CCL28: variants seen among roughly 807,000 people sequenced by gnomAD.
CCL28 encodes C-C motif chemokine ligand 28.
In CCL28, 4 loss-of-function variants were observed where a neutral mutation model predicts 7.1. That is an observed-to-expected ratio of 0.56 (90% CI 0.28 to 1.29). The LOEUF (loss-of-function observed/expected upper bound fraction) is 1.29, where lower values mean the gene tolerates loss of function less well. CCL28 is among the 50% of genes most tolerant of loss of function. The probability of loss-of-function intolerance (pLI) is 0.11; values close to 1 mark genes in which losing one functional copy is unlikely to be tolerated. For synonymous variants in CCL28, 55 were observed against 57.8 expected (o/e 0.95, Z 0.22); for missense variants, 151 against 163.4 (o/e 0.92, Z 0.41).
downstream of CCL28, among the ~76,000 whole-genome samples, chr5:43,373,862 ACACTGATG>A: frequency 6.6e-6 from 1 of 152,356 alleles, no homozygotes; most frequent in South Asian, 2.1e-4. Context: ...GTTTTTTAAC[ACACTGATG>A]CATATAATTA....
At chr5:43,404,519 G>A (rs1231964805) in intron 1 of CCL28, among the ~76,000 whole-genome samples, 1 of 152,056 alleles carries the variant, frequency 6.6e-6, no homozygotes, top group African/African-American at 2.4e-5. Context: ...CACTAAACAT[G>A]GAAAGAAAGA....
chr5:43,395,937 T>A (rs1046470150), intron 1 of CCL28, among the ~76,000 whole-genome samples: 7 of 144,440 alleles, frequency 4.8e-5, no homozygotes, highest in Non-Finnish European at 1.0e-4. Context: ...AGTGGCGAGA[T>A]CTCTGCTCAC....
intron 1 of CCL28, among the ~76,000 whole-genome samples, chr5:43,397,872 G>A (rs1199839609): frequency 6.6e-6 from 1 of 151,322 alleles, no homozygotes; most frequent in African/African-American, 2.4e-5. Context: ...TTTTTTTTGC[G>A]TTTTTAAATC....
intron 1 of CCL28, among the ~76,000 whole-genome samples, chr5:43,393,680 G>T (rs1470466567): frequency 6.7e-6 from 1 of 150,206 alleles, no homozygotes; most frequent in Non-Finnish European, 1.5e-5. Flanking sequence ...TTAAGATGAG[G>T]TTCTTTAAAG....
In CCL28 at chr5:43,412,339, GACAGCA is replaced by G; in HGVS notation, c.-29_-24del. The G allele has an allele frequency of 1.9e-6, 3 of 1,605,572 alleles. No homozygotes were observed. The highest frequency in any genetic ancestry group is 2.6e-6 in the Non-Finnish European group (3 of 1,174,262). On this transcript the variant is annotated 5_prime_UTR_variant, in exon 1 of 3. Coordinates refer to ENST00000361115, the MANE Select transcript of CCL28 (RefSeq NM_148672.3). The stretch of plus-strand genomic sequence containing the variant: ...CATTCCTGCCTGCCCTACTGGCACT[GACAGCA>G]ACACAAGTGAGGCTGTTCGATCAGG...
At chr5:43,390,150 T>C (rs1166786939) in intron 1 of CCL28, among the ~76,000 whole-genome samples, 2 of 152,120 alleles carry the variant, frequency 1.3e-5, no homozygotes, top group Non-Finnish European at 2.9e-5. Flanking sequence ...TGAACAATGG[T>C]TGTTGGAGAG....
At chr5:43,377,352 C>A (rs1739918002), downstream of CCL28, 1 of 151,844 alleles carries the variant, frequency 6.6e-6, no homozygotes, top group Non-Finnish European at 1.5e-5. Flanking sequence ...ACTAGCCAGG[C>A]GTACTGGCGC....
chr5:43,387,710 GCCTCGAAC>G (rs1286846631), intron 2 of CCL28, among the ~76,000 whole-genome samples: 6 of 152,156 alleles, frequency 3.9e-5, no homozygotes, highest in Non-Finnish European at 8.8e-5. Flanking sequence ...GCTCACTGCA[GCCTCGAAC>G]TGGGCTCAAC....
At chr5:43,374,333 C>A (rs1257960517), downstream of CCL28, among the ~76,000 whole-genome samples, 3 of 152,246 alleles carry the variant, frequency 2.0e-5, no homozygotes, top group East Asian at 1.9e-4. Context: ...ATAAGCATGG[C>A]ATTAGGATGG....
At chr5:43,358,007 TTGC>T in the CCL28 span, among the ~76,000 whole-genome samples, 2 of 152,190 alleles carry the variant, frequency 1.3e-5, no homozygotes, top group Admixed American at 6.5e-5. Flanking sequence ...CCACATTAAC[TTGC>T]TGCTTTTAGA....
At chr5:43,358,570 T>C in the CCL28 span, among the ~76,000 whole-genome samples, 1 of 152,178 alleles carries the variant, frequency 6.6e-6, no homozygotes, top group African/African-American at 2.4e-5. Flanking sequence ...TTTGATCTGT[T>C]GGACCTAGTG....
At chr5:43,383,631 T>A (rs566822392) in intron 2 of CCL28, among the ~76,000 whole-genome samples, 12 of 152,058 alleles carry the variant, frequency 7.9e-5, no homozygotes, top group African/African-American at 1.2e-4. Flanking sequence ...TGGTTTGCTA[T>A]CATAGGAGAA....
At chr5:43,369,562 T>A in the CCL28 span, among the ~76,000 whole-genome samples, 1 of 152,086 alleles carries the variant, frequency 6.6e-6, no homozygotes, top group Non-Finnish European at 1.5e-5. Context: ...GTAGCTGGGA[T>A]TACAGGTGTG....
intron 1 of CCL28, among the ~76,000 whole-genome samples, chr5:43,394,053 T>A (rs1740698032): frequency 6.6e-6 from 1 of 152,220 alleles, no homozygotes; most frequent in Non-Finnish European, 1.5e-5. Context: ...TACAGAGGAA[T>A]CTTTCATTGG....
At chr5:43,382,675 G>T (rs16873297) in intron 2 of CCL28, among the ~76,000 whole-genome samples, 3,597 of 152,198 alleles carry the variant, frequency 0.024, 136 homozygotes, top group African/African-American at 0.083. Flanking sequence ...ATTCAAAACT[G>T]AAACTAATTT....
the CCL28 span, among the ~76,000 whole-genome samples, chr5:43,361,973 A>T: frequency 6.6e-6 from 1 of 151,740 alleles, no homozygotes; most frequent in Non-Finnish European, 1.5e-5. Flanking sequence ...TGCCTTGGCT[A>T]TTCAGGCTCT....
At chr5:43,366,835 G>A in the CCL28 span, among the ~76,000 whole-genome samples, 5 of 152,244 alleles carry the variant, frequency 3.3e-5, no homozygotes, top group African/African-American at 1.2e-4. Flanking sequence ...TTCTTTCAGA[G>A]ATGCCCTGCC....
At chr5:43,409,843 C>A (rs1741461382) in intron 1 of CCL28, among the ~76,000 whole-genome samples, 1 of 152,058 alleles carries the variant, frequency 6.6e-6, no homozygotes, top group Admixed American at 6.6e-5. Flanking sequence ...GCCACCGAAA[C>A]AGGATGATAG....
chr5:43,364,926 T>C, the CCL28 span, among the ~76,000 whole-genome samples: 7 of 151,866 alleles, frequency 4.6e-5, no homozygotes, highest in Non-Finnish European at 7.4e-5. Flanking sequence ...TATTCCCCCA[T>C]CCCTTTATTT....
Sources: allele counts gnomAD v4.1 joint callset (sites outside exome capture counted in the v4.1 genomes callset), GRCh38; gene constraint gnomAD v4.1.1; transcripts MANE v1.5; gene names NCBI Gene and HGNC (gene_info 2026-07-23, HGNC 2026-07-21).